Variants in LRP1B observed in about 807,000 individuals in gnomAD.
The protein encoded by LRP1B is LDL receptor related protein 1B.
In LRP1B, 217 loss-of-function variants were observed where a neutral mutation model predicts 556.6. The ratio of observed to expected loss-of-function variants is 0.39; its 90% CI spans 0.35 to 0.44. The LOEUF is 0.44. Among genes scored for constraint, LRP1B ranks in the 20% least tolerant of loss-of-function variants. The pLI is 1.00. For synonymous variants in LRP1B, 2,047 were observed against 1,865.8 expected, an observed-to-expected ratio of 1.10 and a Z score of -2.50; for missense variants, 5,053 against 5,620.8, an observed-to-expected ratio of 0.90 and a Z score of 3.23.
intron 3 of LRP1B, among the ~76,000 whole-genome samples, chr2:141,291,101 A>C (rs139178428): frequency 1.8e-3 from 271 of 152,270 alleles, no homozygotes; most frequent in African/African-American, 6.1e-3. Context: ...GAGAAACATT[A>C]TTGATAGGTT....
At chr2:140,259,957 A>T (rs1460677206) in intron 86 of LRP1B, among the ~76,000 whole-genome samples, 1 of 152,022 alleles carries the variant, frequency 6.6e-6, no homozygotes, top group Admixed American at 6.6e-5. Context: ...AAAGGAGATG[A>T]TTTTATGAAG....
intron 3 of LRP1B, among the ~76,000 whole-genome samples, chr2:141,298,114 A>G (rs1686251425): frequency 1.3e-5 from 2 of 152,148 alleles, no homozygotes; most frequent in South Asian, 4.1e-4. Flanking sequence ...ATTTTTCTTC[A>G]TTGATTTTCA....
Position 140,893,774 on chromosome 2 carries a change from T to C in LRP1B, c.3767-7439A>G, listed in dbSNP as rs190164351. On this transcript the variant is annotated intron_variant, in intron 23 of 90. Transcript: ENST00000389484. ...TGTGAAAGATATTGTTATTAAGTCA[T>C]AGATGATAGTGAACGGAATATGTGA... 3.3e-5 allele frequency among the ~76,000 whole-genome samples: 5 copies of C among 152,302 alleles called. No individual in the cohort carries two copies. The East Asian group carries it at 9.6e-4, about 29-fold the overall frequency.
chr2:141,158,752 C>A (rs1413213057), intron 7 of LRP1B, among the ~76,000 whole-genome samples: 1 of 152,152 alleles, frequency 6.6e-6, no homozygotes, highest in Non-Finnish European at 1.5e-5. Context: ...GAATATTCCT[C>A]TGATTTCCAG....
intron 49 of LRP1B, 25 bp downstream of exon 49, chr2:140,525,819 G>C (rs1282220624): frequency 1.2e-6 from 2 of 1,605,342 alleles, no homozygotes; most frequent in Non-Finnish European, 1.7e-6. Context: ...GGCAAAGCCT[G>C]TGTTTTTCTA....
chr2:140,518,187 A>G (rs1251714041), intron 49 of LRP1B, among the ~76,000 whole-genome samples: 1 of 152,074 alleles, frequency 6.6e-6, no homozygotes, highest in Non-Finnish European at 1.5e-5. Flanking sequence ...TTTATTTTTT[A>G]TATGTTGACT....
intron 3 of LRP1B, among the ~76,000 whole-genome samples, chr2:141,287,519 A>G (rs1483739272): frequency 6.6e-6 from 1 of 152,036 alleles, no homozygotes. Context: ...TTAAAGCACT[A>G]AATTTCTCTC....
At chr2:140,307,018 G>C (rs1170856297) in intron 83 of LRP1B, among the ~76,000 whole-genome samples, 1 of 151,924 alleles carries the variant, frequency 6.6e-6, no homozygotes, top group African/African-American at 2.4e-5. Context: ...GAATCTCATA[G>C]AGTTTTTTAA....
In LRP1B at chr2:141,443,806, C is replaced by T. The variant is rs944512606; in HGVS notation, c.343+36590G>A. Among the ~76,000 whole-genome samples the T allele has an allele frequency of 1.1e-4, 17 of 152,144 alleles. 1 individual carries two copies. In the East Asian group the frequency reaches 3.3e-3, roughly 29 times the overall value. ...GGTCTGTATATATGTTTTGGTACTACTACCATGCTGTTTTGATTAATGTAG... is the reference window on the plus strand; with the variant it reads ...GGTCTGTATATATGTTTTGGTACTATTACCATGCTGTTTTGATTAATGTAG... On this transcript the variant is annotated intron_variant, in intron 3 of 90. Coordinates refer to ENST00000389484, the MANE Select transcript of LRP1B (RefSeq NM_018557.3).
rs1012420392 is a variant in LRP1B, at chr2:141,202,316, T to C, written c.851-13733A>G. Among the ~76,000 whole-genome samples, 5 of 150,184 alleles carry C rather than the reference T, an allele frequency of 3.3e-5. No homozygotes were observed. In the East Asian group the frequency reaches 5.8e-4, roughly 17 times the overall value. On this transcript the variant is annotated intron_variant, in intron 6 of 90. Coordinates refer to ENST00000389484, the MANE Select transcript of LRP1B (RefSeq NM_018557.3). The stretch of plus-strand genomic sequence containing the variant: ...TATATTTTCCGTATCTAGTCTACAA[T>C]TGATAAGCATTAAGGTTGATTCCAC...
intron 41 of LRP1B, among the ~76,000 whole-genome samples, chr2:140,607,329 G>T (rs976635961): frequency 1.3e-5 from 2 of 152,044 alleles, no homozygotes; most frequent in African/African-American, 4.8e-5. Context: ...AATGTAAAAT[G>T]GAGCAGCCTC....
intron 17 of LRP1B, among the ~76,000 whole-genome samples, chr2:140,986,427 A>G (rs1014343294): frequency 2.0e-5 from 3 of 152,156 alleles, no homozygotes; most frequent in African/African-American, 7.2e-5. Flanking sequence ...ATTTGGCCAA[A>G]TCACCTTCCA....
intron 2 of LRP1B, among the ~76,000 whole-genome samples, chr2:141,786,618 G>T (rs947383504): frequency 2.6e-5 from 4 of 151,704 alleles, no homozygotes; most frequent in Non-Finnish European, 4.4e-5. Context: ...TTTCCAACAT[G>T]TCTGCCTTTG....
Position 141,049,036 on chromosome 2 carries a change from A to G in LRP1B, c.1739T>C (p.Ile580Thr), listed in dbSNP as rs747443517. The G allele has an allele frequency of 2.5e-6, 4 of 1,613,528 alleles. No individual in the cohort carries two copies. Among genetic ancestry groups the G allele is most frequent in the African/African-American group, 2.7e-5 (2 of 74,994 alleles). ...TGTGCCATCTATCTTCTGCCGGCCAATTAGGAAACTGGTGGTGTCAGCAAA... is the reference window on the plus strand; with the variant it reads ...TGTGCCATCTATCTTCTGCCGGCCAGTTAGGAAACTGGTGGTGTCAGCAAA... ...IYFADTTSFLIGRQKIDGTER... is the reference protein window; with the variant it reads ...IYFADTTSFLTGRQKIDGTER... The change falls in exon 11 of 91, where the codon ATT (isoleucine) becomes ACT (threonine). Residue 580 changes from isoleucine to threonine, a missense_variant. This residue lies in a region of LRP1B where 3,619 missense variants were observed against 3,931.9 expected (regional missense o/e 0.92). Coordinates refer to ENST00000389484, the MANE Select transcript of LRP1B (RefSeq NM_018557.3).
intron 1 of LRP1B, among the ~76,000 whole-genome samples, chr2:141,957,383 TGGG>T (rs70994470): frequency 3.2e-4 from 19 of 58,462 alleles, no homozygotes; most frequent in East Asian, 1.5e-3. Flanking sequence ...TTTGTGTGTG[TGGG>T]GGGGGGGGGG....
chr2:140,495,638 C>T lies in LRP1B; in HGVS notation c.8961G>A (p.Gly2987=), dbSNP rs2104873331. ...CATCTGTACAGAGGCACTTGTAAGT[C>T]CCGTATGTATTGATGCATTGCTGGC... ...PCSQQCINTY[G]TYKCLCTDGY... The change falls in exon 56 of 91, where the codon GGG becomes GGA. Residue 2987 remains glycine (G), a synonymous_variant. Coordinates refer to ENST00000389484, the MANE Select transcript of LRP1B (RefSeq NM_018557.3). The T allele has an allele frequency of 6.2e-7, 1 of 1,613,888 alleles. No homozygotes were observed. Among genetic ancestry groups the T allele is most frequent in the East Asian group, 2.2e-5 (1 of 44,862 alleles).
chr2:140,651,526 TAAA>T (rs558677783), intron 41 of LRP1B, among the ~76,000 whole-genome samples: 3,666 of 107,010 alleles, frequency 0.034, 58 homozygotes, highest in Middle Eastern at 0.07. Context: ...ATACAAAAAT[TAAA>T]AAAAAAAAAA....
intron 27 of LRP1B, among the ~76,000 whole-genome samples, chr2:140,857,381 T>C (rs1376442396): frequency 6.6e-6 from 1 of 152,148 alleles, no homozygotes; most frequent in African/African-American, 2.4e-5. Flanking sequence ...TTATTAGTAA[T>C]TTTCCTTTAG....
intron 7 of LRP1B, among the ~76,000 whole-genome samples, chr2:141,071,474 C>T (rs1420016650): frequency 1.3e-5 from 2 of 152,098 alleles, no homozygotes; most frequent in East Asian, 3.9e-4. Flanking sequence ...CTCACCACTC[C>T]TATTCAACAG....
Sources: allele counts gnomAD v4.1 joint callset (sites outside exome capture counted in the v4.1 genomes callset), GRCh38; gene constraint gnomAD v4.1.1; regional missense constraint gnomAD v4.1.1; transcripts MANE v1.5; gene names NCBI Gene and HGNC (gene_info 2026-07-23, HGNC 2026-07-21).